Variants in EML5 observed in about 807,000 individuals in gnomAD.
EML5 encodes the protein EMAP like 5.
In EML5, 120 loss-of-function variants were observed where a neutral mutation model predicts 250.0. The ratio of observed to expected loss-of-function variants is 0.48; its 90% CI spans 0.41 to 0.56. The LOEUF is 0.56. EML5 is among the 20% of genes least tolerant of loss of function. EML5 has a pLI of 0.00. For synonymous variants in EML5, 771 were observed against 806.5 expected (o/e 0.96, Z 0.75); for missense variants, 2,006 against 2,437.6 (o/e 0.82, Z 3.73).
At position 88,687,210 on chromosome 14, in the gene EML5, A is replaced by G. The variant is rs763749850; in HGVS notation, c.2854+6T>C. The stretch of plus-strand genomic sequence containing the variant: ...TATACAAAAACCCCACTAAGTCTCA[A>G]ATCACCTTTAGATCCTGGGGCCAAT... On this transcript the variant is annotated splice_donor_region_variant and intron_variant, in intron 19 of 43. Transcript: ENST00000554922. The G allele has an allele frequency of 1.0e-5, 16 of 1,599,442 alleles. No individual in the cohort carries two copies. The highest frequency in any genetic ancestry group is 1.3e-5 in the Non-Finnish European group (15 of 1,173,146).
At chr14:88,787,910 C>T (rs2094567396) in intron 1 of EML5, among the ~76,000 whole-genome samples, 1 of 152,034 alleles carries the variant, frequency 6.6e-6, no homozygotes, top group African/African-American at 2.4e-5. Context: ...GTTAAGAATT[C>T]TAGGCATGGT....
chr14:88,663,017 C>T lies in EML5; in HGVS notation c.3498+14G>A, dbSNP rs2092177852. The T allele has an allele frequency of 6.5e-7, 1 of 1,539,742 alleles. No homozygotes were observed. The highest frequency in any genetic ancestry group is 8.8e-7 in the Non-Finnish European group (1 of 1,141,064). On this transcript the variant is annotated intron_variant, in intron 24 of 43. Coordinates refer to ENST00000554922, the MANE Select transcript of EML5 (RefSeq NM_183387.3). ...TTCACATGAACAACACTGCAAGCAC[C>T]ACTGTTGTCCTACCTCCACGCTGGG...
At chr14:88,661,633 A>G (rs2092104687) in intron 25 of EML5, 21 bp downstream of exon 25, 1 of 1,597,412 alleles carries the variant, frequency 6.3e-7, no homozygotes, top group Non-Finnish European at 8.5e-7. Context: ...ATCATTAGGA[A>G]AGTTAAAGAA....
At chr14:88,761,253 C>A (rs2094238097) in intron 1 of EML5, among the ~76,000 whole-genome samples, 1 of 151,996 alleles carries the variant, frequency 6.6e-6, no homozygotes, top group Non-Finnish European at 1.5e-5. Flanking sequence ...GCAGAACGTG[C>A]AGGTTTGTTG....
chr14:88,740,288 A>C (rs748435505), intron 5 of EML5, 99 bp downstream of exon 5: 8 of 1,024,118 alleles, frequency 7.8e-6, no homozygotes, highest in Non-Finnish European at 9.3e-6. Flanking sequence ...CAAGCAACCA[A>C]ACTGACTAGA....
chr14:88,739,330 G>C (rs528679384), intron 5 of EML5, among the ~76,000 whole-genome samples: 2 of 152,214 alleles, frequency 1.3e-5, no homozygotes, highest in African/African-American at 4.8e-5. Context: ...AAAACCCATA[G>C]ATAGGGAGGG....
At chr14:88,637,594 T>C (rs554491865) in intron 32 of EML5, among the ~76,000 whole-genome samples, 1 of 152,134 alleles carries the variant, frequency 6.6e-6, no homozygotes, top group Non-Finnish European at 1.5e-5. Flanking sequence ...TTTTTGTAAG[T>C]AGCCCATATC....
At chr14:88,724,189 C>T (rs1294070638) in intron 8 of EML5, among the ~76,000 whole-genome samples, 5 of 150,150 alleles carry the variant, frequency 3.3e-5, no homozygotes, top group Admixed American at 6.7e-5. Context: ...GCAGGAGAAT[C>T]GCTTGAACCT....
chr14:88,717,699 G>A (rs2139961941), intron 8 of EML5, among the ~76,000 whole-genome samples: 1 of 152,320 alleles, frequency 6.6e-6, no homozygotes, highest in East Asian at 1.9e-4. Context: ...AGGTTGCAGT[G>A]AGCTGAGATC....
At chr14:88,752,402 T>C (rs1449093382) in intron 2 of EML5, among the ~76,000 whole-genome samples, 2 of 152,202 alleles carry the variant, frequency 1.3e-5, no homozygotes, top group African/African-American at 4.8e-5. Flanking sequence ...ATAGGTATTA[T>C]TTCCTTTAAA....
chr14:88,637,931 C>T (rs1326364871), intron 32 of EML5, among the ~76,000 whole-genome samples: 1 of 152,086 alleles, frequency 6.6e-6, no homozygotes, highest in Non-Finnish European at 1.5e-5. Flanking sequence ...AGGAAAAACA[C>T]AAGGGTCTAT....
chr14:88,690,074 G>C (rs1460229254), intron 17 of EML5, among the ~76,000 whole-genome samples: 1 of 152,158 alleles, frequency 6.6e-6, no homozygotes, highest in East Asian at 1.9e-4. Context: ...TCCAGGCAGA[G>C]GGAGCAGCAA....
intron 25 of EML5, among the ~76,000 whole-genome samples, chr14:88,659,285 C>T (rs1392276961): frequency 6.6e-6 from 1 of 151,914 alleles, no homozygotes; most frequent in Non-Finnish European, 1.5e-5. Flanking sequence ...GATCTTGGCC[C>T]ACTGTAACCT....
chr14:88,638,925 A>C lies in EML5; in HGVS notation c.4238-18T>G, dbSNP rs757310119. The C allele has an allele frequency of 2.0e-5, 30 of 1,536,192 alleles. No individual in the cohort carries two copies. ...CTGAGAACCTACAAAAAAGAATTTG[A>C]GAATTAAGTTTGAAAATTTTAAGAT... On this transcript the variant is annotated intron_variant, in intron 31 of 43. Coordinates refer to ENST00000554922, the MANE Select transcript of EML5 (RefSeq NM_183387.3).
chr14:88,618,040 C>CT, intron 41 of EML5, 188 bp downstream of exon 41: 1 of 382,688 alleles, frequency 2.6e-6, no homozygotes, highest in Admixed American at 4.2e-5. Flanking sequence ...ATCATGGAAA[C>CT]TGATAAAACA....
Position 88,687,229 on chromosome 14 carries a change from G to T in EML5, c.2841C>A (p.Ala947=). 6.2e-7 allele frequency: 1 copy of T among 1,608,492 alleles called. No individual in the cohort carries two copies. Among genetic ancestry groups the T allele is most frequent in the South Asian group, 1.1e-5 (1 of 89,514 alleles). Residue 947 remains alanine, a synonymous_variant, in exon 19 of 44, where the codon GCC becomes GCA. Coordinates refer to ENST00000554922, the MANE Select transcript of EML5 (RefSeq NM_183387.3). ...GTCTCAAATCACCTTTAGATCCTGGGGCCAATGCAGCTCTTTTTATAGCAT... is the reference window on the plus strand; with the variant it reads ...GTCTCAAATCACCTTTAGATCCTGGTGCCAATGCAGCTCTTTTTATAGCAT... ...KTYAIKRAAL[A]PGSKGLLLED... is the part of the protein sequence containing the mutation.
intron 3 of EML5, 92 bp from the exon 4 acceptor site, chr14:88,744,183 C>T (rs1186416706): frequency 1.1e-5 from 8 of 700,756 alleles, no homozygotes; most frequent in Admixed American, 3.0e-5. Flanking sequence ...AACTCCTAAT[C>T]ATAAAATAAT....
chr14:88,780,767 G>A (rs1399966773), intron 1 of EML5, among the ~76,000 whole-genome samples: 2 of 152,066 alleles, frequency 1.3e-5, no homozygotes, highest in East Asian at 1.9e-4. Context: ...TAGAGACGGG[G>A]TTTCATCATC....
chr14:88,691,601 G>C (rs2092960730), intron 17 of EML5, among the ~76,000 whole-genome samples: 1 of 152,064 alleles, frequency 6.6e-6, no homozygotes, highest in African/African-American at 2.4e-5. Flanking sequence ...AATCCCTTAG[G>C]GGAGAGATTA....
Sources: allele counts gnomAD v4.1 joint callset (sites outside exome capture counted in the v4.1 genomes callset), GRCh38; gene constraint gnomAD v4.1.1; transcripts MANE v1.5; gene names NCBI Gene and HGNC (gene_info 2026-07-23, HGNC 2026-07-21).